The following MICAL3 variants were observed in gnomAD, a reference collection of about 807,000 sequenced individuals.
MICAL3 encodes the protein microtubule associated monooxygenase, calponin and LIM domain containing 3, also known as [F-actin]-monooxygenase MICAL3.
MICAL3 carries 62 observed loss-of-function variants against 207.4 expected under a neutral mutation model. The ratio of observed to expected loss-of-function variants is 0.30; its 90% CI spans 0.24 to 0.37. MICAL3 has a LOEUF of 0.37. Ranked by LOEUF, MICAL3 falls within the 10% of genes least tolerant of loss-of-function variation. The pLI is 1.00. For missense variants in MICAL3, 2,368 were observed against 2,635.6 expected, an observed-to-expected ratio of 0.90 and a Z score of 2.22; for synonymous variants, 1,077 against 1,069.3, an observed-to-expected ratio of 1.01 and a Z score of -0.14.
intron 1 of MICAL3, among the ~76,000 whole-genome samples, chr22:17,991,350 T>C (rs920798471): frequency 4.6e-5 from 7 of 152,256 alleles, no homozygotes; most frequent in South Asian, 4.1e-4. Flanking sequence ...ATATTGTCTA[T>C]AGCAAGGTAA....
intron 1 of MICAL3, among the ~76,000 whole-genome samples, chr22:17,992,397 T>A (rs1380407980): frequency 1.3e-5 from 2 of 152,210 alleles, no homozygotes; most frequent in Non-Finnish European, 2.9e-5. Context: ...CTAGTTGGCA[T>A]AAATTTGCTT....
intron 1 of MICAL3, among the ~76,000 whole-genome samples, chr22:17,934,320 C>T (rs113000371): frequency 1.3e-5 from 2 of 152,212 alleles, no homozygotes; most frequent in East Asian, 1.9e-4. Flanking sequence ...AATCAATAAA[C>T]GTAATCCATC....
intron 1 of MICAL3, among the ~76,000 whole-genome samples, chr22:17,963,686 G>A (rs1076542): frequency 0.2 from 30,436 of 152,032 alleles, 3,202 homozygotes; most frequent in Middle Eastern, 0.27. Context: ...CACAAACTTC[G>A]CAAGTGGATA....
chr22:17,794,455 G>T (rs1341407381), intron 29 of MICAL3, among the ~76,000 whole-genome samples: 2 of 152,260 alleles, frequency 1.3e-5, no homozygotes, highest in Admixed American at 6.5e-5. Context: ...GAGTCTGTGG[G>T]GGCAGCACGC....
At chr22:17,797,383 A>G (rs1220145902) in intron 29 of MICAL3, among the ~76,000 whole-genome samples, 2 of 152,102 alleles carry the variant, frequency 1.3e-5, no homozygotes, top group Admixed American at 1.3e-4. Context: ...AGTCCCAGCT[A>G]CTCAGGAGGC....
chr22:17,902,676 C>T lies in MICAL3; in HGVS notation c.544G>A (p.Glu182Lys). 1 of 1,608,190 alleles carries T rather than the reference C, an allele frequency of 6.2e-7. No homozygotes were observed. Among genetic ancestry groups the T allele is most frequent in the Non-Finnish European group, 8.5e-7 (1 of 1,176,988 alleles). Residue 182 changes from glutamate (E) to lysine (K), a missense_variant, in exon 4 of 32, where the codon GAA becomes AAA. Glu to Lys is a moderately conservative substitution (Grantham distance 56, BLOSUM62 1). Around this residue, in one of 4 missense-constraint regions of MICAL3, gnomAD observed 400 missense variants for 547.0 expected, o/e 0.73. Coordinates refer to ENST00000441493, the MANE Select transcript of MICAL3 (RefSeq NM_015241.3). This position sits in a 1 kb window ranked among gnomAD's most constrained non-coding sequence, Gnocchi z 4.5. ...ILGIEIHVNV[E>K]FQGLIQPPED... ...GGAGGCTGTATAAGTCCTTGGAATT[C>T]CACATTGACGTGGATTTCAATGCCT...
intron 23 of MICAL3, among the ~76,000 whole-genome samples, 181 bp downstream of exon 23, chr22:17,822,766 T>C (rs1181328390): frequency 6.6e-6 from 1 of 152,168 alleles, no homozygotes; most frequent in Non-Finnish European, 1.5e-5. Flanking sequence ...GCAGGCCAAG[T>C]CGCCTGGTGC....
chr22:17,871,739 T>G, intron 17 of MICAL3, 98 bp downstream of exon 17: 1 of 1,096,118 alleles, frequency 9.1e-7, no homozygotes, highest in Non-Finnish European at 1.3e-6. Flanking sequence ...AAGACGCACA[T>G]GGAATAAGGC....
chr22:17,815,885 G>A (rs978797445), intron 27 of MICAL3, among the ~76,000 whole-genome samples: 1 of 152,360 alleles, frequency 6.6e-6, no homozygotes, highest in South Asian at 2.1e-4. Flanking sequence ...TTGGACGGCA[G>A]GAGAGGGCAG....
intron 19 of MICAL3, among the ~76,000 whole-genome samples, chr22:17,857,213 T>C (rs986706630): frequency 7.9e-5 from 12 of 152,150 alleles, no homozygotes; most frequent in Admixed American, 3.9e-4. Flanking sequence ...CCAGGCCGCA[T>C]AGCAGGAGGG....
intron 1 of MICAL3, among the ~76,000 whole-genome samples, chr22:17,954,596 C>T (rs777953662): frequency 1.3e-5 from 2 of 152,164 alleles, no homozygotes; most frequent in Non-Finnish European, 2.9e-5. Context: ...GCAAAAGATT[C>T]AAAAGGCTGG....
chr22:17,841,788 G>T lies in MICAL3; in HGVS notation c.2801+34C>A, dbSNP rs747639218. The T allele has an allele frequency of 2.7e-5, 41 of 1,536,798 alleles. No homozygotes were observed. In the South Asian group the frequency reaches 4.8e-4, roughly 18 times the overall value. On this transcript the variant is annotated intron_variant, in intron 20 of 31. Transcript: ENST00000441493. This position sits in a 1 kb window ranked among gnomAD's most constrained non-coding sequence, Gnocchi z 4.2. ...GGTGAGGAGGCTCTTAGGGCCGTGT[G>T]GCGGGTGGGCGCCCTGCAGCCCTGC...
At chr22:18,023,654 C>A (rs772849056) in intron 1 of MICAL3, among the ~76,000 whole-genome samples, 1 of 152,238 alleles carries the variant, frequency 6.6e-6, no homozygotes, top group African/African-American at 2.4e-5. Flanking sequence ...TGAACTTGGC[C>A]GTCCTTTTGT....
At chr22:17,792,272 C>A (rs1290402708) in intron 29 of MICAL3, among the ~76,000 whole-genome samples, 1 of 152,216 alleles carries the variant, frequency 6.6e-6, no homozygotes, top group Non-Finnish European at 1.5e-5. Context: ...GGATTACAAA[C>A]CACTTTGAGA....
Position 17,896,742 on chromosome 22 carries a change from G to A in MICAL3, c.1188C>T (p.Val396=), listed in dbSNP as rs766291618. 11 of 1,613,558 alleles carry A rather than the reference G, an allele frequency of 6.8e-6. No homozygotes were observed. The highest frequency in any genetic ancestry group is 2.7e-5 in the African/African-American group (2 of 74,898). The change falls in exon 8 of 32, where the codon GTC becomes GTT. Residue 396 remains valine (V), a synonymous_variant. Coordinates refer to ENST00000441493, the MANE Select transcript of MICAL3 (RefSeq NM_015241.3). ...CACTCACCTCTAGGAGGCTGTCCCC[G>A]ACCAGAGCCACTAGTAACTGGTGTC... ...QNGHQLLVAL[V]GDSLLEPFWP...
intron 1 of MICAL3, among the ~76,000 whole-genome samples, chr22:17,970,627 A>G (rs1408838397): frequency 6.6e-6 from 1 of 152,168 alleles, no homozygotes; most frequent in Non-Finnish European, 1.5e-5. Context: ...ATTCCCCACC[A>G]CTTCCTATGT....
At chr22:17,822,905 C>T (rs370118597) in intron 23 of MICAL3, 42 bp downstream of exon 23, 174 of 1,361,626 alleles carry the variant, frequency 1.3e-4, no homozygotes, top group Non-Finnish European at 1.8e-4. Context: ...CCTTCATCTT[C>T]CCTGAGCTCC....
intron 1 of MICAL3, among the ~76,000 whole-genome samples, chr22:17,911,150 G>A (rs1211209689): frequency 2.6e-5 from 4 of 152,184 alleles, no homozygotes; most frequent in African/African-American, 9.7e-5. Context: ...CCTTGGCTGT[G>A]GAGGATGGCA....
In MICAL3 at chr22:17,824,053, T is replaced by A. The variant is rs548412277; in HGVS notation, c.3194-993A>T. On this transcript the variant is annotated intron_variant, in intron 22 of 31. Coordinates refer to ENST00000441493, the MANE Select transcript of MICAL3 (RefSeq NM_015241.3). Reference sequence around the variant, plus strand: ...AAAATGAGGCAAAACCCTCGACAACTTCCCCTCCCCAGGAGCCGGCCCCTA... The same window carrying A: ...AAAATGAGGCAAAACCCTCGACAACATCCCCTCCCCAGGAGCCGGCCCCTA... Among the ~76,000 whole-genome samples the A allele has an allele frequency of 9.2e-5, 14 of 151,992 alleles. No homozygotes were observed. The South Asian group carries it at 1.9e-3, about 20-fold the overall frequency.
Sources: allele counts gnomAD v4.1 joint callset (sites outside exome capture counted in the v4.1 genomes callset), GRCh38; gene constraint gnomAD v4.1.1; regional missense constraint gnomAD v4.1.1; non-coding constraint Gnocchi (gnomAD v3.1); transcripts MANE v1.5; gene names NCBI Gene and HGNC (gene_info 2026-07-23, HGNC 2026-07-21).